The following KCNC2 variants were observed in gnomAD, a reference collection of about 807,000 sequenced individuals.
The protein encoded by KCNC2 is potassium voltage-gated channel subfamily C member 2.
In KCNC2, 21 loss-of-function variants were observed where a neutral mutation model predicts 44.5. The ratio of observed to expected loss-of-function variants is 0.47; its 90% confidence interval spans 0.33 to 0.68. KCNC2 has a LOEUF of 0.68. Ranked by LOEUF, KCNC2 falls within the 30% of genes least tolerant of loss-of-function variation. The probability of loss-of-function intolerance (pLI) is 0.01; values close to 1 mark genes in which losing one functional copy is unlikely to be tolerated. For synonymous variants in KCNC2, 391 were observed against 339.1 expected (o/e 1.15, Z -1.68); for missense variants, 589 against 826.2 (o/e 0.71, Z 3.52).
At chr12:75,101,719 C>T (rs1886387652) in intron 2 of KCNC2, among the ~76,000 whole-genome samples, 1 of 151,986 alleles carries the variant, frequency 6.6e-6, no homozygotes, top group Non-Finnish European at 1.5e-5. Context: ...GGGTGTAAGA[C>T]TAGTAATACT....
intron 2 of KCNC2, among the ~76,000 whole-genome samples, chr12:75,183,247 C>T (rs1008729905): frequency 1.3e-5 from 2 of 152,132 alleles, no homozygotes; most frequent in African/African-American, 4.8e-5. Context: ...TTGTTGCCCC[C>T]CAAGCTCAAA....
chr12:75,135,796 C>T (rs549196478), intron 2 of KCNC2, among the ~76,000 whole-genome samples: 128 of 152,064 alleles, frequency 8.4e-4, no homozygotes, highest in African/African-American at 2.8e-3. Context: ...TATAATAATA[C>T]AGTTTCATTA....
chr12:75,131,614 G>A (rs11611233), intron 2 of KCNC2, among the ~76,000 whole-genome samples: 7,854 of 152,166 alleles, frequency 0.052, 237 homozygotes, highest in African/African-American at 0.076. Context: ...GTGGCAGAAA[G>A]AAAAGTTAAA....
chr12:75,135,855 C>G lies in KCNC2; in HGVS notation c.687+71442G>C, dbSNP rs570869536. Among the ~76,000 whole-genome samples, 8 of 152,058 alleles carry G rather than the reference C, an allele frequency of 5.3e-5. No homozygotes were observed. In the South Asian group the frequency reaches 1.2e-3, roughly 24 times the overall value. ...ATTGTGTGCTATGTATAATGTCACT[C>G]TATGTGTACCCAGAGCATGGCCATA... On this transcript the variant is annotated intron_variant, in intron 2 of 4. Transcript: ENST00000549446.
chr12:75,194,685 T>C lies in KCNC2; in HGVS notation c.687+12612A>G, dbSNP rs758708316. Among the ~76,000 whole-genome samples, 65 of 152,194 alleles carry C rather than the reference T, an allele frequency of 4.3e-4. 1 individual carries two copies. The highest frequency in any genetic ancestry group is 2.2e-4 in the Non-Finnish European group (15 of 68,020). Reference sequence around the variant, plus strand: ...TGATAACTAGAGAATACATGTCTTATATCCAGGAAGGGCAAAAACTGTGGT... The same window carrying C: ...TGATAACTAGAGAATACATGTCTTACATCCAGGAAGGGCAAAAACTGTGGT... On this transcript the variant is annotated intron_variant, in intron 2 of 4. Transcript: ENST00000549446.
chr12:75,208,983 G>T (rs1021924946), intron 1 of KCNC2, among the ~76,000 whole-genome samples: 91 of 152,144 alleles, frequency 6.0e-4, no homozygotes, highest in African/African-American at 2.0e-3. Flanking sequence ...TAGGAGGGGC[G>T]AGGCTCGGGG....
At chr12:75,067,956 GTAAAC>G (rs1392939538) in intron 2 of KCNC2, among the ~76,000 whole-genome samples, 3 of 152,038 alleles carry the variant, frequency 2.0e-5, no homozygotes, top group Non-Finnish European at 4.4e-5. Flanking sequence ...TTGAACTAAA[GTAAAC>G]TGCGTTTTTT....
intron 2 of KCNC2, among the ~76,000 whole-genome samples, chr12:75,069,127 A>ATTTTTTTTTTTT (rs1231157819): frequency 8.9e-4 from 30 of 33,862 alleles, no homozygotes; most frequent in South Asian, 2.5e-3. Flanking sequence ...ATTTTATATA[A>ATTTTTTTTTTTT]TCTTTTTTTT....
intron 2 of KCNC2, among the ~76,000 whole-genome samples, chr12:75,143,820 T>C (rs1388888885): frequency 1.3e-5 from 2 of 152,218 alleles, no homozygotes; most frequent in African/African-American, 2.4e-5. Context: ...CAAAATCTTC[T>C]GTAACTCAGA....
At chr12:75,182,699 A>T (rs1184216492) in intron 2 of KCNC2, among the ~76,000 whole-genome samples, 1 of 152,150 alleles carries the variant, frequency 6.6e-6, no homozygotes, top group Non-Finnish European at 1.5e-5. Flanking sequence ...ACATGTGCAT[A>T]TGTTATGTTA....
In KCNC2 at chr12:75,041,231, G is replaced by A. The variant is rs1373763713; in HGVS notation, c.*1874C>T. 6.3e-7 allele frequency: 1 copy of A among 1,594,046 alleles called. No homozygotes were observed. Among genetic ancestry groups the A allele is most frequent in the Non-Finnish European group, 8.5e-7 (1 of 1,177,080 alleles). On this transcript the variant is annotated 3_prime_UTR_variant, in exon 5 of 5. Coordinates refer to ENST00000549446, the MANE Select transcript of KCNC2 (RefSeq NM_139137.4). ...ACTGTAGTCAATAACAGCAGCACCA[G>A]ACAGCATATTAATTCTTTTACCATA...
intron 2 of KCNC2, among the ~76,000 whole-genome samples, chr12:75,090,453 C>A (rs191572156): frequency 1.1e-3 from 164 of 151,628 alleles, no homozygotes; most frequent in African/African-American, 3.8e-3. Flanking sequence ...CAAACAAAAG[C>A]TATAGCAGCC....
intron 2 of KCNC2, among the ~76,000 whole-genome samples, chr12:75,166,534 C>A (rs944465667): frequency 1.3e-5 from 2 of 150,466 alleles, no homozygotes; most frequent in African/African-American, 4.9e-5. Context: ...GCACATGAAA[C>A]CTTCTCCAGG....
At chr12:75,119,413 C>T (rs1443264748) in intron 2 of KCNC2, among the ~76,000 whole-genome samples, 1 of 152,134 alleles carries the variant, frequency 6.6e-6, no homozygotes, top group Non-Finnish European at 1.5e-5. Context: ...AGTGCTTTCC[C>T]TTACAATGTC....
chr12:75,163,799 GCTAA>G (rs1390161177), intron 2 of KCNC2, among the ~76,000 whole-genome samples: 4 of 151,612 alleles, frequency 2.6e-5, no homozygotes, highest in Non-Finnish European at 5.9e-5. Flanking sequence ...AACTTGAAAT[GCTAA>G]CTGTTTATCT....
At chr12:75,135,338 T>A (rs1889150891) in intron 2 of KCNC2, among the ~76,000 whole-genome samples, 1 of 152,026 alleles carries the variant, frequency 6.6e-6, no homozygotes, top group African/African-American at 2.4e-5. Context: ...GTTAAATTAA[T>A]GTGTCTCTCT....
At chr12:75,208,470 A>C (rs1427185818) in intron 1 of KCNC2, among the ~76,000 whole-genome samples, 2 of 130,356 alleles carry the variant, frequency 1.5e-5, no homozygotes, top group African/African-American at 3.0e-5. Context: ...TCTCATTCCC[A>C]CTCTCCAAGA....
intron 2 of KCNC2, among the ~76,000 whole-genome samples, chr12:75,148,466 A>G (rs751822497): frequency 2.6e-4 from 39 of 151,926 alleles, no homozygotes; most frequent in Non-Finnish European, 5.2e-4. Context: ...TAAACTGGAA[A>G]TATTTGTTTT....
chr12:75,091,782 G>A lies in KCNC2; in HGVS notation c.688-40465C>T, dbSNP rs978404484. On this transcript the variant is annotated intron_variant, in intron 2 of 4. Transcript: ENST00000549446. ...AGTGCTATGTTAAAAAAAAATCTAT[G>A]TAGACAATAGAATACTATAAGGATT... is the stretch of plus-strand genomic sequence containing the variant. 8.6e-5 allele frequency among the ~76,000 whole-genome samples: 13 copies of A among 151,628 alleles called. No individual in the cohort carries two copies. In the East Asian group the frequency reaches 2.3e-3, roughly 27 times the overall value.
Sources: gnomAD v4.1 joint callset for allele counts (sites outside exome capture counted in the v4.1 genomes callset) on GRCh38, gnomAD v4.1.1 for gene constraint, MANE v1.5 for transcripts, NCBI Gene and HGNC (gene_info 2026-07-23, HGNC 2026-07-21) for gene names.